Variants in ZNF385D observed in about 807,000 individuals in gnomAD.
ZNF385D encodes the protein zinc finger protein 659.
Under a neutral mutation model 35.8 loss-of-function variants are expected in ZNF385D, and 15 were observed. The ratio of observed to expected loss-of-function variants is 0.42; its 90% confidence interval spans 0.28 to 0.64. ZNF385D has a LOEUF of 0.64. ZNF385D is among the 30% of genes least tolerant of loss of function. The pLI is 0.23. For missense variants in ZNF385D, 474 were observed against 494.6 expected (o/e 0.96, Z 0.39); for synonymous variants, 212 against 186.8 (o/e 1.13, Z -1.10).
upstream of ZNF385D, among the ~76,000 whole-genome samples, chr3:21,756,068 G>A (rs561198076): frequency 6.6e-6 from 1 of 152,290 alleles, no homozygotes; most frequent in East Asian, 1.9e-4. Flanking sequence ...TTGGAGCAAC[G>A]TGATTTGACA....
chr3:22,368,794 C>T (rs1696773338), intron 2 of ZNF385D, among the ~76,000 whole-genome samples: 1 of 152,182 alleles, frequency 6.6e-6, no homozygotes, highest in Admixed American at 6.5e-5. Flanking sequence ...AGGGCTAGGG[C>T]TCCACAATAT....
chr3:21,454,905 A>C (rs901767083), intron 4 of ZNF385D, among the ~76,000 whole-genome samples: 1 of 152,222 alleles, frequency 6.6e-6, no homozygotes, highest in Non-Finnish European at 1.5e-5. Flanking sequence ...AGGATACAAA[A>C]TCAATGTGCA....
intron 2 of ZNF385D, among the ~76,000 whole-genome samples, chr3:22,231,306 T>C (rs927989058): frequency 6.6e-6 from 1 of 152,108 alleles, no homozygotes; most frequent in African/African-American, 2.4e-5. Context: ...AGTGTGCCTA[T>C]TATAAGCAAA....
chr3:22,326,369 A>G (rs549903627), intron 2 of ZNF385D, among the ~76,000 whole-genome samples: 2 of 152,304 alleles, frequency 1.3e-5, no homozygotes, highest in South Asian at 4.1e-4. Flanking sequence ...AGAAGAGGAA[A>G]CACTGTCAAA....
chr3:22,023,584 G>T (rs1455927133), intron 3 of ZNF385D, among the ~76,000 whole-genome samples: 1 of 151,898 alleles, frequency 6.6e-6, no homozygotes, highest in Non-Finnish European at 1.5e-5. Context: ...GCTGCTTCTG[G>T]CTGAGATCAA....
chr3:22,303,138 T>C (rs559402886), intron 2 of ZNF385D, among the ~76,000 whole-genome samples: 1 of 152,326 alleles, frequency 6.6e-6, no homozygotes, highest in South Asian at 2.1e-4. Flanking sequence ...CATTGTTCAA[T>C]GATAATAATA....
chr3:21,711,334 C>T (rs577744546), intron 1 of ZNF385D, among the ~76,000 whole-genome samples: 3 of 152,188 alleles, frequency 2.0e-5, no homozygotes, highest in East Asian at 1.9e-4. Flanking sequence ...AGCCACCGCG[C>T]CCGGCCGCCA....
intron 3 of ZNF385D, among the ~76,000 whole-genome samples, chr3:22,022,651 G>A (rs1443626422): frequency 6.6e-6 from 1 of 152,078 alleles, no homozygotes; most frequent in Admixed American, 6.6e-5. Context: ...TCCCAGAAAA[G>A]AGTCATATAT....
At chr3:21,765,241 T>C (rs1284377570) in intron 3 of ZNF385D, among the ~76,000 whole-genome samples, 1 of 150,378 alleles carries the variant, frequency 6.6e-6, no homozygotes, top group African/African-American at 2.4e-5. Flanking sequence ...AGAGAGAGCA[T>C]TTGAGTGTGT....
intron 2 of ZNF385D, among the ~76,000 whole-genome samples, chr3:22,226,074 G>C (rs140675327): frequency 6.6e-6 from 1 of 151,168 alleles, no homozygotes; most frequent in Admixed American, 6.6e-5. Flanking sequence ...AACATGAAAA[G>C]AAACTATATG....
At chr3:21,728,150 G>A (rs1417505784) in intron 1 of ZNF385D, among the ~76,000 whole-genome samples, 1 of 152,090 alleles carries the variant, frequency 6.6e-6, no homozygotes, top group Admixed American at 6.6e-5. Context: ...TGGAGGGCTA[G>A]GAGAGGGATA....
chr3:22,311,127 GAAGA>G (rs751579814), intron 2 of ZNF385D, among the ~76,000 whole-genome samples: 2 of 151,748 alleles, frequency 1.3e-5, no homozygotes, highest in African/African-American at 2.4e-5. Context: ...ACCAGAGACA[GAAGA>G]AAGGAGAAAA....
chr3:22,042,491 T>C (rs1298899410), intron 3 of ZNF385D, among the ~76,000 whole-genome samples: 3 of 152,130 alleles, frequency 2.0e-5, no homozygotes. Flanking sequence ...CATCTTAAGG[T>C]ATCGTTCTGC....
chr3:22,201,969 T>TA (rs1177484911), intron 2 of ZNF385D, among the ~76,000 whole-genome samples: 14 of 151,990 alleles, frequency 9.2e-5, no homozygotes, highest in Non-Finnish European at 1.2e-4. Context: ...GTGTGTTAGA[T>TA]AAAATGACAT....
At position 22,306,332 on chromosome 3, in the gene ZNF385D, TA is replaced by T. The variant is rs200362099; in HGVS notation, c.106+66117del. ...GGTAAACCTTTCTCTGTCTTGTGGT[TA>T]AAAAAAGTCTTTTTTTTTTCTTTCC... On this transcript the variant is annotated intron_variant, in intron 2 of 5. Coordinates refer to the ZNF385D transcript ENST00000494108. Among the ~76,000 whole-genome samples the T allele has an allele frequency of 7.1e-3, 1,085 of 152,072 alleles. 14 individuals are homozygous for T. Among genetic ancestry groups the T allele is most frequent in the African/African-American group, 0.024 (1,014 of 41,480 alleles).
intron 3 of ZNF385D, among the ~76,000 whole-genome samples, chr3:21,862,411 T>G (rs76936124): frequency 0.016 from 2,435 of 152,082 alleles, 54 homozygotes; most frequent in African/African-American, 0.054. Flanking sequence ...CAGCCTGAGA[T>G]TCTTATATCA....
chr3:22,320,054 C>T (rs1480348357), intron 2 of ZNF385D, among the ~76,000 whole-genome samples: 20 of 151,476 alleles, frequency 1.3e-4, no homozygotes. Context: ...AAAACACATA[C>T]AAACTTTTTT....
At chr3:22,030,573 C>G (rs367728836) in intron 3 of ZNF385D, among the ~76,000 whole-genome samples, 2 of 151,824 alleles carry the variant, frequency 1.3e-5, no homozygotes, top group South Asian at 2.1e-4. Flanking sequence ...ATCATGAGAA[C>G]AGCATGGAGG....
intron 3 of ZNF385D, among the ~76,000 whole-genome samples, chr3:22,078,380 C>G (rs1700575492): frequency 6.6e-6 from 1 of 152,026 alleles, no homozygotes; most frequent in East Asian, 1.9e-4. Flanking sequence ...ACCAGGCTCA[C>G]AGAGAAAATG....
Sources: gnomAD v4.1 joint callset for allele counts (sites outside exome capture counted in the v4.1 genomes callset) on GRCh38, gnomAD v4.1.1 for gene constraint, MANE v1.5 for transcripts, NCBI Gene and HGNC (gene_info 2026-07-23, HGNC 2026-07-21) for gene names.